The following TNIP3 variants were observed in gnomAD, a reference collection of about 807,000 sequenced individuals.
The protein encoded by TNIP3 is TNFAIP3 interacting protein 3.
A neutral mutation model predicts 54.1 loss-of-function variants in TNIP3; 34 were observed. The ratio of observed to expected loss-of-function variants is 0.63; its 90% confidence interval spans 0.48 to 0.84. The LOEUF is 0.84. Ranked by LOEUF, TNIP3 falls within the 40% of genes least tolerant of loss-of-function variation. The pLI is 0.00. For missense variants in TNIP3, 366 were observed against 387.6 expected (o/e 0.94, Z 0.47); for synonymous variants, 134 against 136.8 (o/e 0.98, Z 0.14).
chr4:121,180,138 C>A (rs1001011553), intron 3 of TNIP3, among the ~76,000 whole-genome samples: 1 of 151,994 alleles, frequency 6.6e-6, no homozygotes, highest in African/African-American at 2.4e-5. Context: ...CGGTGGCTCA[C>A]GCCTGTAATC....
At chr4:121,197,172 CTTG>C (rs535349405) in intron 2 of TNIP3, among the ~76,000 whole-genome samples, 5 of 151,830 alleles carry the variant, frequency 3.3e-5, no homozygotes, top group Non-Finnish European at 7.4e-5. Flanking sequence ...AGTTAAGAAA[CTTG>C]TTGTTTAGCT....
chr4:121,166,828 GA>G (rs1192599131), upstream of TNIP3, among the ~76,000 whole-genome samples: 41 of 152,208 alleles, frequency 2.7e-4, no homozygotes, highest in African/African-American at 9.6e-4. Context: ...CTATTTGCAT[GA>G]ATTTTTAAGT....
At chr4:121,171,677 G>A (rs1723951642) in intron 3 of TNIP3, among the ~76,000 whole-genome samples, 1 of 152,106 alleles carries the variant, frequency 6.6e-6, no homozygotes, top group Admixed American at 6.5e-5. Flanking sequence ...AGTACTGCCT[G>A]GATGTTTCTC....
intron 2 of TNIP3, among the ~76,000 whole-genome samples, chr4:121,208,224 A>T (rs1159158618): frequency 1.3e-5 from 2 of 152,158 alleles, no homozygotes; most frequent in Non-Finnish European, 2.9e-5. Flanking sequence ...CTAATAAATT[A>T]TCCACAGAAT....
chr4:121,178,001 G>C (rs959459797), intron 3 of TNIP3, among the ~76,000 whole-genome samples: 4 of 152,206 alleles, frequency 2.6e-5, no homozygotes. Flanking sequence ...TCAAGTAACA[G>C]TGGCTTGATC....
intron 2 of TNIP3, among the ~76,000 whole-genome samples, chr4:121,195,205 T>C (rs1725510414): frequency 6.6e-6 from 1 of 152,060 alleles, no homozygotes; most frequent in South Asian, 2.1e-4. Context: ...AGTCAATAAA[T>C]ATTTTTTAAA....
intron 10 of TNIP3, among the ~76,000 whole-genome samples, chr4:121,133,846 C>A (rs917667272): frequency 6.6e-6 from 1 of 151,790 alleles, no homozygotes; most frequent in South Asian, 2.1e-4. Flanking sequence ...ATGTGAAGAC[C>A]GAGGCAGAGA....
intron 2 of TNIP3, among the ~76,000 whole-genome samples, chr4:121,200,912 A>G (rs1725847382): frequency 6.6e-6 from 1 of 152,178 alleles, no homozygotes; most frequent in Non-Finnish European, 1.5e-5. Context: ...CCCGGAGGGA[A>G]GTGTCACAAA....
At chr4:121,152,534 A>G (rs1729822732) in intron 5 of TNIP3, among the ~76,000 whole-genome samples, 1 of 152,166 alleles carries the variant, frequency 6.6e-6, no homozygotes, top group South Asian at 2.1e-4. Flanking sequence ...TGTCTACCAA[A>G]CATATTATAT....
At position 121,177,407 on chromosome 4, in the gene TNIP3, T is replaced by G. The variant is rs555817686; in HGVS notation, c.189+5269A>C. On this transcript the variant is annotated intron_variant, in intron 3 of 12. Coordinates refer to the TNIP3 transcript ENST00000507879. Reference sequence around the variant, plus strand: ...TGGAGTTCCTCATGTTCATCAATAGTGGTTTTCTGTTTCCTCAAAGCAGTG... The same window carrying G: ...TGGAGTTCCTCATGTTCATCAATAGGGGTTTTCTGTTTCCTCAAAGCAGTG... 2.6e-5 allele frequency among the ~76,000 whole-genome samples: 4 copies of G among 152,350 alleles called. No homozygotes were observed. In the East Asian group the frequency reaches 7.7e-4, roughly 29 times the overall value.
At chr4:121,188,295 T>C (rs1725126130) in intron 2 of TNIP3, among the ~76,000 whole-genome samples, 1 of 151,806 alleles carries the variant, frequency 6.6e-6, no homozygotes, top group Admixed American at 6.6e-5. Context: ...TTTCACCAAT[T>C]TGACAATGAA....
rs746115344 is a variant in TNIP3, at chr4:121,142,786, A to T, written c.736-10T>A. On this transcript the variant is annotated splice_polypyrimidine_tract_variant and intron_variant, in intron 7 of 10. Transcript: ENST00000057513. ...TCTGACAAGCTTTTATCTAAAGACA[A>T]AACAAAGGCATTTGTTAATCAAGAC... 1 of 1,609,408 alleles carries T rather than the reference A, an allele frequency of 6.2e-7. No homozygotes were observed. The highest frequency in any genetic ancestry group is 8.5e-7 in the Non-Finnish European group (1 of 1,176,346).
At chr4:121,171,741 T>C (rs1167177623) in intron 3 of TNIP3, among the ~76,000 whole-genome samples, 1 of 152,054 alleles carries the variant, frequency 6.6e-6, no homozygotes, top group Non-Finnish European at 1.5e-5. Flanking sequence ...TTGTTTTGTT[T>C]TGTTTTTGAG....
chr4:121,197,049 T>C (rs1251793770), intron 2 of TNIP3, among the ~76,000 whole-genome samples: 1 of 151,902 alleles, frequency 6.6e-6, no homozygotes, highest in Non-Finnish European at 1.5e-5. Flanking sequence ...ACTTAAAAAA[T>C]ACAATGTGTT....
Position 121,147,034 on chromosome 4 carries a change from T to G in TNIP3, c.735+15A>C, listed in dbSNP as rs767686114. 1 of 1,595,418 alleles carries G rather than the reference T, an allele frequency of 6.3e-7. No individual in the cohort carries two copies. ...ACATACATGCTGGCAAAGATTATTTTGTTTTGACTTGTACCTGGGAATTCA... is the reference window on the plus strand; with the variant it reads ...ACATACATGCTGGCAAAGATTATTTGGTTTTGACTTGTACCTGGGAATTCA... On this transcript the variant is annotated intron_variant, in intron 7 of 10. Transcript: ENST00000057513.
At chr4:121,200,166 G>A (rs1053067956) in intron 2 of TNIP3, among the ~76,000 whole-genome samples, 5 of 152,012 alleles carry the variant, frequency 3.3e-5, no homozygotes, top group African/African-American at 1.2e-4. Flanking sequence ...GACATGCTAA[G>A]GGAGCTTCCT....
chr4:121,203,063 A>T (rs1172572571), intron 2 of TNIP3, among the ~76,000 whole-genome samples: 25 of 152,178 alleles, frequency 1.6e-4, no homozygotes, highest in Admixed American at 1.6e-3. Context: ...TGATCCAGGA[A>T]TCCTACTAAT....
upstream of TNIP3, among the ~76,000 whole-genome samples, chr4:121,166,121 C>G (rs1730754937): frequency 6.6e-6 from 1 of 152,148 alleles, no homozygotes; most frequent in South Asian, 2.1e-4. Flanking sequence ...TCTTGAGTCT[C>G]CCCTGTAAAA....
chr4:121,204,724 A>G (rs896375801), intron 2 of TNIP3, among the ~76,000 whole-genome samples: 1 of 152,198 alleles, frequency 6.6e-6, no homozygotes, highest in East Asian at 1.9e-4. Context: ...AGATTTACCA[A>G]CGTTAGATTG....
Sources: allele counts gnomAD v4.1 joint callset (sites outside exome capture counted in the v4.1 genomes callset), GRCh38; gene constraint gnomAD v4.1.1; transcripts MANE v1.5; gene names NCBI Gene and HGNC (gene_info 2026-07-23, HGNC 2026-07-21).